SIRPD: variants seen among roughly 807,000 people sequenced by gnomAD.
SIRPD encodes signal regulatory protein delta.
A neutral mutation model predicts 18.0 loss-of-function variants in SIRPD; 21 were observed. The ratio of observed to expected loss-of-function variants is 1.17; its 90% CI spans 0.83 to 1.68. The LOEUF (loss-of-function observed/expected upper bound fraction) is 1.68. Ranked by LOEUF, SIRPD falls within the 40% of genes most tolerant of loss-of-function variation. SIRPD has a pLI of 0.00. For missense variants in SIRPD, 295 were observed against 238.4 expected, an observed-to-expected ratio of 1.24 and a Z score of -1.56; for synonymous variants, 106 against 92.9, an observed-to-expected ratio of 1.14 and a Z score of -0.81.
intron 2 of SIRPD, among the ~76,000 whole-genome samples, chr20:1,550,712 G>T (rs2091015090): frequency 6.6e-6 from 1 of 152,122 alleles, no homozygotes; most frequent in Admixed American, 6.6e-5. Flanking sequence ...ATACTGGACT[G>T]GGCCCAGACC....
chr20:1,537,169 A>T lies in SIRPD; in HGVS notation c.563T>A (p.Leu188Gln). Reference sequence around the variant, plus strand: ...GGGGCACTCACCTGTGAGTCCCAGCAGCCGGAGGCAGCAGCAGGGTTGGAC... The same window carrying T: ...GGGGCACTCACCTGTGAGTCCCAGCTGCCGGAGGCAGCAGCAGGGTTGGAC... Reference protein sequence around the residue: ...YFVQPCCCLRLLGLTGLLSK With the variant: ...YFVQPCCCLRQLGLTGLLSK Residue 188 changes from leucine to glutamine, a missense_variant, in exon 3 of 4, where the codon CTG (leucine) becomes CAG (glutamine). Physicochemically the swap from Leu to Gln is moderately radical, Grantham distance 113 (BLOSUM62 -2). Coordinates refer to ENST00000381623, the MANE Select transcript of SIRPD (RefSeq NM_178460.3). 2 of 1,614,006 alleles carry T rather than the reference A, an allele frequency of 1.2e-6. No individual in the cohort carries two copies. Among genetic ancestry groups the T allele is most frequent in the Non-Finnish European group, 8.5e-7 (1 of 1,179,932 alleles).
In SIRPD at chr20:1,551,837, G is replaced by A; in HGVS notation, c.275C>T (p.Thr92Ile). The change falls in exon 2 of 4, where the codon ACC (threonine) becomes ATC (isoleucine). Residue 92 changes from threonine (T) to isoleucine (I), a missense_variant. By Grantham distance (89) the Thr-to-Ile change is moderately conservative (BLOSUM62 -1). Transcript: ENST00000381623. ...AAAGTCTGTGTTGCCAGGCTTGGTG[G>A]TGTCTCCAATCTCTTTTACTCTGGG... ...NFPRVKEIGD[T>I]TKPGNTDFST... The A allele has an allele frequency of 6.2e-7, 1 of 1,614,124 alleles. No individual in the cohort carries two copies. The highest frequency in any genetic ancestry group is 8.5e-7 in the Non-Finnish European group (1 of 1,179,982).
At chr20:1,550,192 G>T (rs2091012664) in intron 2 of SIRPD, among the ~76,000 whole-genome samples, 1 of 152,312 alleles carries the variant, frequency 6.6e-6, no homozygotes, top group East Asian at 1.9e-4. Flanking sequence ...GTAGGGTGTG[G>T]ACCATGTGGT....
At chr20:1,538,147 T>C (rs932049168) in intron 2 of SIRPD, among the ~76,000 whole-genome samples, 6 of 152,158 alleles carry the variant, frequency 3.9e-5, no homozygotes, top group East Asian at 1.9e-4. Flanking sequence ...TGCCAGACAC[T>C]GCCTCCTGTG....
chr20:1,549,508 G>A (rs1380858143), intron 2 of SIRPD, among the ~76,000 whole-genome samples: 1 of 151,730 alleles, frequency 6.6e-6, no homozygotes, highest in Non-Finnish European at 1.5e-5. Flanking sequence ...AACCACCGAG[G>A]CTTGTTATTG....
chr20:1,541,734 A>G (rs1055240299), intron 2 of SIRPD, among the ~76,000 whole-genome samples: 4 of 152,028 alleles, frequency 2.6e-5, no homozygotes, highest in Admixed American at 2.0e-4. Flanking sequence ...CCTGAATGGT[A>G]TTGTCTAGGT....
chr20:1,545,149 G>C (rs959962379), intron 2 of SIRPD, among the ~76,000 whole-genome samples: 1 of 152,144 alleles, frequency 6.6e-6, no homozygotes, highest in Non-Finnish European at 1.5e-5. Flanking sequence ...TCCTGAATTT[G>C]AATATTGGCC....
chr20:1,538,656 T>C (rs2090958051), intron 2 of SIRPD, among the ~76,000 whole-genome samples: 1 of 152,198 alleles, frequency 6.6e-6, no homozygotes, highest in African/African-American at 2.4e-5. Context: ...CTTGCCACCA[T>C]GCTATGAGGA....
In SIRPD at chr20:1,550,386, C is replaced by T. The variant is rs772173711; in HGVS notation, c.421+1305G>A. On this transcript the variant is annotated intron_variant, in intron 2 of 3. Coordinates refer to ENST00000381623, the MANE Select transcript of SIRPD (RefSeq NM_178460.3). ...AGGTTGGTAGGAAGAAGCTGTCTTTCCACCTTGGTTGTAAGATGGGGGAAT... is the reference window on the plus strand; with the variant it reads ...AGGTTGGTAGGAAGAAGCTGTCTTTTCACCTTGGTTGTAAGATGGGGGAAT... Among the ~76,000 whole-genome samples, 39 of 152,168 alleles carry T rather than the reference C, an allele frequency of 2.6e-4. 1 individual carries two copies. Among genetic ancestry groups the T allele is most frequent in the Non-Finnish European group, 4.9e-4 (33 of 68,032 alleles).
chr20:1,534,354 A>T lies in SIRPD; in HGVS notation c.*71T>A. The T allele has an allele frequency of 3.1e-6, 5 of 1,591,808 alleles. No homozygotes were observed. The highest frequency in any genetic ancestry group is 4.3e-6 in the Non-Finnish European group (5 of 1,170,788). ...AAGGCAAATGAAACTCCTAAAAAGTAGCTGTCTCCAGGGAGTCAGAAGAGT... is the reference window on the plus strand; with the variant it reads ...AAGGCAAATGAAACTCCTAAAAAGTTGCTGTCTCCAGGGAGTCAGAAGAGT... On this transcript the variant is annotated 3_prime_UTR_variant, in exon 4 of 4. Transcript: ENST00000381623.
At chr20:1,553,157 A>G (rs1018184340) in intron 1 of SIRPD, among the ~76,000 whole-genome samples, 1 of 152,170 alleles carries the variant, frequency 6.6e-6, no homozygotes, top group South Asian at 2.1e-4. Flanking sequence ...GGCTTTTTGC[A>G]AAAAAGACTT....
Position 1,541,464 on chromosome 20 carries a change from C to T in SIRPD, c.422-4154G>A, listed in dbSNP as rs141900814. 6.4e-4 allele frequency among the ~76,000 whole-genome samples: 98 copies of T among 152,254 alleles called. 1 individual carries two copies. In the South Asian group the frequency reaches 0.01, roughly 16 times the overall value. ...TTGAAAAGTGTCTGCTCATATCCTT[C>T]GCCCACTTTTTGATGGGGTTGCTTG... On this transcript the variant is annotated intron_variant, in intron 2 of 3. Transcript: ENST00000381623.
chr20:1,543,844 T>C (rs2076736968), intron 2 of SIRPD, among the ~76,000 whole-genome samples: 1 of 152,342 alleles, frequency 6.6e-6, no homozygotes, highest in East Asian at 1.9e-4. Flanking sequence ...CAAAAACTTA[T>C]TTATTTCTGC....
chr20:1,536,402 GTT>G (rs11340259), intron 3 of SIRPD, among the ~76,000 whole-genome samples: 7,387 of 137,228 alleles, frequency 0.054, 198 homozygotes, highest in Non-Finnish European at 0.072. Context: ...CCGGCCTGTC[GTT>G]TTTTTTTTTT....
intron 2 of SIRPD, among the ~76,000 whole-genome samples, chr20:1,544,880 T>G (rs1380849212): frequency 3.3e-5 from 5 of 152,192 alleles, no homozygotes; most frequent in Non-Finnish European, 7.4e-5. Flanking sequence ...ATGAAGCTTT[T>G]TTTGGCTGGA....
At chr20:1,543,771 C>T (rs2090982073) in intron 2 of SIRPD, among the ~76,000 whole-genome samples, 1 of 152,200 alleles carries the variant, frequency 6.6e-6, no homozygotes, top group African/African-American at 2.4e-5. Context: ...AAATTTCCCT[C>T]TAAACACTGC....
At chr20:1,535,267 A>G (rs573064169) in intron 3 of SIRPD, among the ~76,000 whole-genome samples, 107 of 152,344 alleles carry the variant, frequency 7.0e-4, no homozygotes, top group African/African-American at 2.5e-3. Context: ...AGCACAGTGA[A>G]GAGGTCAAAG....
chr20:1,553,409 C>G (rs763947347), intron 1 of SIRPD, among the ~76,000 whole-genome samples: 10 of 152,068 alleles, frequency 6.6e-5, no homozygotes, highest in African/African-American at 7.2e-5. Flanking sequence ...CTGAAGAGCC[C>G]TTTGTTTTGG....
At chr20:1,540,357 C>CTTTA (rs774971686) in intron 2 of SIRPD, 65 of 455,828 alleles carry the variant, frequency 1.4e-4, no homozygotes, top group Middle Eastern at 1.3e-3. Flanking sequence ...TTTTAAACAA[C>CTTTA]TTTATTGAGA....
Sources: allele counts gnomAD v4.1 joint callset (sites outside exome capture counted in the v4.1 genomes callset), GRCh38; gene constraint gnomAD v4.1.1; transcripts MANE v1.5; gene names NCBI Gene and HGNC (gene_info 2026-07-23, HGNC 2026-07-21).